CD58: variants seen among roughly 807,000 people sequenced by gnomAD.
CD58 encodes CD58 molecule, also known as lymphocyte function-associated antigen 3.
CD58 carries 14 observed loss-of-function variants against 27.6 expected under a neutral mutation model. The observed-to-expected ratio is 0.51, with a 90% CI of 0.34 to 0.79. The LOEUF is 0.79. CD58 is among the 30% of genes least tolerant of loss of function. CD58 has a pLI of 0.02. For synonymous variants in CD58, 117 were observed against 103.8 expected (o/e 1.13, Z -0.77); for missense variants, 268 against 301.7 (o/e 0.89, Z 0.83).
intron 1 of CD58, among the ~76,000 whole-genome samples, chr1:116,547,670 C>A (rs983824418): frequency 7.9e-5 from 12 of 151,996 alleles, no homozygotes; most frequent in Admixed American, 3.3e-4. Flanking sequence ...ATATATATAT[C>A]TCCCACATTT....
At position 116,524,748 on chromosome 1, in the gene CD58, C is replaced by T. The variant is rs1657378170; in HGVS notation, c.629-2765G>A. Among the ~76,000 whole-genome samples, 1 of 152,178 alleles carries T rather than the reference C, an allele frequency of 6.6e-6. No homozygotes were observed. The highest frequency in any genetic ancestry group is 6.5e-5 in the Admixed American group (1 of 15,280). On this transcript the variant is annotated intron_variant, in intron 3 of 5. Coordinates refer to ENST00000369489, the MANE Select transcript of CD58 (RefSeq NM_001779.3). This position sits in a 1 kb window ranked among gnomAD's most constrained non-coding sequence, Gnocchi z 4.6. ...CTGCTAACTACATAATTACTTAAAA[C>T]ATTACAATTTTTTTCTTTATAGTTC...
rs753030828 is a variant in CD58, at chr1:116,516,270, T to C, written c.744-1448A>G. Among the ~76,000 whole-genome samples, 11 of 152,100 alleles carry C rather than the reference T, an allele frequency of 7.2e-5. No individual in the cohort carries two copies. The highest frequency in any genetic ancestry group is 1.5e-4 in the Non-Finnish European group (10 of 68,032). On this transcript the variant is annotated intron_variant, in intron 5 of 5. Transcript: ENST00000369489. This position sits in a 1 kb window ranked among gnomAD's most constrained non-coding sequence, Gnocchi z 6.1. ...GGTTCTTTAAATTTAAAAATAATTA[T>C]TAAATAGGCAGTAAACACACATGAT...
chr1:116,538,876 T>C lies in CD58; in HGVS notation c.365-2648A>G, dbSNP rs1329609268. Among the ~76,000 whole-genome samples, 1 of 152,136 alleles carries C rather than the reference T, an allele frequency of 6.6e-6. No homozygotes were observed. The highest frequency in any genetic ancestry group is 1.9e-4 in the East Asian group (1 of 5,186). On this transcript the variant is annotated intron_variant, in intron 2 of 5. Transcript: ENST00000369489. The surrounding 1 kb of genome is among the most constrained non-coding windows in gnomAD (Gnocchi z 4.7). Reference sequence around the variant, plus strand: ...TAGAAGGATAGATTCAGAGAGACAGTCTTCAAATAAAATGTAAATTCTTCT... The same window carrying C: ...TAGAAGGATAGATTCAGAGAGACAGCCTTCAAATAAAATGTAAATTCTTCT...
Position 116,531,475 on chromosome 1 carries a change from C to T in CD58, c.628+4490G>A, listed in dbSNP as rs1557834814. Among the ~76,000 whole-genome samples, 2 of 152,152 alleles carry T rather than the reference C, an allele frequency of 1.3e-5. No individual in the cohort carries two copies. The highest frequency in any genetic ancestry group is 4.1e-4 in the South Asian group (2 of 4,836). On this transcript the variant is annotated intron_variant, in intron 3 of 5. Coordinates refer to ENST00000369489, the MANE Select transcript of CD58 (RefSeq NM_001779.3). The surrounding 1 kb of genome is among the most constrained non-coding windows in gnomAD (Gnocchi z 4.5). ...CACTGGTTTTATTTTTTGTTGTTCC[C>T]ATTATAAAGCAACTATCTGCTTTTA...
chr1:116,533,440 C>T (rs1050312), intron 3 of CD58: 9 of 756,624 alleles, frequency 1.2e-5, no homozygotes, highest in Admixed American at 3.5e-5. Flanking sequence ...ACTGAGTTGG[C>T]AAAGCAGTCA....
Position 116,515,355 on chromosome 1 carries a change from CG to C in CD58, c.744-534del, listed in dbSNP as rs1657042053. ...TCCCGGCCTCCTCCCCCGTGGTCTG[CG>C]TATTTCCACAGAGCTCAAAATCAGA... On this transcript the variant is annotated intron_variant, in intron 5 of 5. Coordinates refer to ENST00000369489, the MANE Select transcript of CD58 (RefSeq NM_001779.3). This position sits in a 1 kb window ranked among gnomAD's most constrained non-coding sequence, Gnocchi z 4.6. Among the ~76,000 whole-genome samples the C allele has an allele frequency of 6.6e-6, 1 of 152,170 alleles. No homozygotes were observed. Among genetic ancestry groups the C allele is most frequent in the African/African-American group, 2.4e-5 (1 of 41,434 alleles).
At position 116,521,891 on chromosome 1, in the gene CD58, A is replaced by G. The variant is rs376128435; in HGVS notation, c.706+15T>C. 1.6e-5 allele frequency: 22 copies of G among 1,369,536 alleles called. No homozygotes were observed. Among genetic ancestry groups the G allele is most frequent in the Non-Finnish European group, 2.1e-5 (20 of 963,942 alleles). The allele number at this position is 1,369,536 out of a possible 1,614,324, so 84.8% of individuals were successfully genotyped here. A position where few individuals can be genotyped will look rare whatever the true frequency, so the allele number is the denominator to read the frequency against. ...GCAAGTTTTCAAACTATTTTGTTTT[A>G]AAAAGCATACATACCATTCATATAC... On this transcript the variant is annotated intron_variant, in intron 4 of 5. Transcript: ENST00000369489. This position sits in a 1 kb window ranked among gnomAD's most constrained non-coding sequence, Gnocchi z 5.6.
intron 3 of CD58, among the ~76,000 whole-genome samples, chr1:116,530,291 C>T (rs529711462): frequency 2.0e-5 from 3 of 151,786 alleles, no homozygotes; most frequent in Non-Finnish European, 4.4e-5. Flanking sequence ...CTGCCAGCTC[C>T]GCCTCCCGGG....
chr1:116,542,613 A>C (rs1037259149), intron 2 of CD58, among the ~76,000 whole-genome samples: 4 of 152,200 alleles, frequency 2.6e-5, no homozygotes, highest in African/African-American at 9.7e-5. Context: ...AGTTTTAATG[A>C]CAGTATATAT....
At chr1:116,556,624 C>T (rs1158558350) in intron 1 of CD58, among the ~76,000 whole-genome samples, 1 of 152,162 alleles carries the variant, frequency 6.6e-6, no homozygotes, top group Non-Finnish European at 1.5e-5. Flanking sequence ...AATGCTAGAG[C>T]TGAAGAGGGC....
chr1:116,565,376 A>T (rs1171877499), intron 1 of CD58, among the ~76,000 whole-genome samples: 1 of 152,182 alleles, frequency 6.6e-6, no homozygotes, highest in East Asian at 1.9e-4. Context: ...TGAGTAGTAG[A>T]CCTGGAATAT....
In CD58 at chr1:116,521,944, A is replaced by C; in HGVS notation, c.668T>G (p.Leu223Ter). 6.3e-7 allele frequency: 1 copy of C among 1,582,490 alleles called. No homozygotes were observed. The highest frequency in any genetic ancestry group is 8.7e-7 in the Non-Finnish European group (1 of 1,153,578). Residue 223 changes from leucine (L) to a stop codon, truncating the protein, a stop_gained, in exon 4 of 6, where the codon TTA becomes TGA. Transcript: ENST00000369489. LOFTEE classifies it high-confidence loss of function. This position sits in a 1 kb window ranked among gnomAD's most constrained non-coding sequence, Gnocchi z 5.6. ...CACAATACATGTTGTAATTACTGCT[A>C]ATGGTATGGGTATAAGTGCATATCT... ...RHRYALIPIP[L>*]AVITTCIVLY...
intron 1 of CD58, chr1:116,560,009 A>T (rs1367143449): frequency 5.8e-5 from 9 of 154,118 alleles, no homozygotes; most frequent in East Asian, 5.8e-4. Context: ...TCTTGTTAAT[A>T]TTTTTTTGTA....
Position 116,533,189 on chromosome 1 carries a change from C to G in CD58, c.628+2776G>C, listed in dbSNP as rs972321845. 3 of 754,562 alleles carry G rather than the reference C, an allele frequency of 4.0e-6. No homozygotes were observed. The Admixed American group carries it at 5.5e-5, about 14-fold the overall frequency. 46.7% of individuals were successfully genotyped at this position (754,562 alleles called of 1,614,324 possible). ...AATCTTTATCCAGTGATTCTCCGTC[C>G]CCAGATGCTTTCAGTGGATTGAAGA... On this transcript the variant is annotated intron_variant, in intron 3 of 5. Transcript: ENST00000369489.
At chr1:116,553,930 GA>G (rs1230602262) in intron 1 of CD58, among the ~76,000 whole-genome samples, 3 of 152,118 alleles carry the variant, frequency 2.0e-5, no homozygotes, top group African/African-American at 7.2e-5. Context: ...ATAACTCCAA[GA>G]CAAGAGTCAA....
chr1:116,544,506 T>C lies in CD58; in HGVS notation c.169A>G (p.Lys57Glu), dbSNP rs1170287383. ...SNVPLKEVLW[K>E]KQKDKVAELE... ...TCTGCAACTTTATCCTTTTGTTTTT[T>C]CCATAGGACCTCTTTTAAAGGCACA... Residue 57 changes from lysine (K) to glutamate (E), a missense_variant, in exon 2 of 6, where the codon AAA (lysine) becomes GAA (glutamate). Transcript: ENST00000369489. The C allele has an allele frequency of 5.0e-6, 8 of 1,613,876 alleles. No homozygotes were observed. Among genetic ancestry groups the C allele is most frequent in the Non-Finnish European group, 6.8e-6 (8 of 1,179,872 alleles).
In CD58 at chr1:116,541,771, C is replaced by T. The variant is rs746959539; in HGVS notation, c.364+2540G>A. 8.6e-5 allele frequency among the ~76,000 whole-genome samples: 13 copies of T among 152,018 alleles called. No individual in the cohort carries two copies. Among genetic ancestry groups the T allele is most frequent in the Non-Finnish European group, 1.3e-4 (9 of 68,022 alleles). ...TCAGGTATACACATAAGGAGCTCGG[C>T]GGGGTACTCTGGGCTAGAGCTCTAG... On this transcript the variant is annotated intron_variant, in intron 2 of 5. Coordinates refer to ENST00000369489, the MANE Select transcript of CD58 (RefSeq NM_001779.3). The surrounding 1 kb of genome is among the most constrained non-coding windows in gnomAD (Gnocchi z 5.3).
intron 2 of CD58, among the ~76,000 whole-genome samples, chr1:116,539,722 G>A (rs906302017): frequency 1.3e-5 from 2 of 152,110 alleles, no homozygotes; most frequent in Admixed American, 1.3e-4. Context: ...CCTTTCTGCA[G>A]CACCTAGATC....
rs1181183494 is a variant in CD58 at position 116,528,244 on chromosome 1, A to C, written c.629-6261T>G. Among the ~76,000 whole-genome samples, 1 of 152,158 alleles carries C rather than the reference A, an allele frequency of 6.6e-6. No individual in the cohort carries two copies. Among genetic ancestry groups the C allele is most frequent in the Non-Finnish European group, 1.5e-5 (1 of 68,018 alleles). On this transcript the variant is annotated intron_variant, in intron 3 of 5. Transcript: ENST00000369489. The surrounding 1 kb of genome is among the most constrained non-coding windows in gnomAD (Gnocchi z 4.4). ...AAATATTCTTAACATTCTTTATCTC[A>C]GTCTACATAATATTATTTCCTATGT...
Sources: gnomAD v4.1 joint callset for allele counts (sites outside exome capture counted in the v4.1 genomes callset) on GRCh38, gnomAD v4.1.1 for gene constraint, Gnocchi (gnomAD v3.1) non-coding constraint, MANE v1.5 for transcripts, NCBI Gene and HGNC (gene_info 2026-07-23, HGNC 2026-07-21) for gene names.